Variants in SMOC2 observed in about 807,000 individuals in gnomAD.
The protein encoded by SMOC2 is SPARC-related modular calcium-binding protein 2.
Under a neutral mutation model 61.4 loss-of-function variants are expected in SMOC2, and 39 were observed. That is an observed-to-expected ratio of 0.64 (90% CI 0.49 to 0.83). The LOEUF (loss-of-function observed/expected upper bound fraction) is 0.83. SMOC2 is among the 40% of genes least tolerant of loss of function. The pLI, the probability that SMOC2 is intolerant of heterozygous loss-of-function variation, is 0.00. For missense variants in SMOC2, 556 were observed against 592.9 expected, an observed-to-expected ratio of 0.94 and a Z score of 0.65; for synonymous variants, 247 against 239.9, an observed-to-expected ratio of 1.03 and a Z score of -0.27.
At chr6:168,558,893 GCA>G (rs1784318812) in intron 7 of SMOC2, among the ~76,000 whole-genome samples, 5 of 152,112 alleles carry the variant, frequency 3.3e-5, no homozygotes, top group Non-Finnish European at 5.9e-5. Context: ...GTGTGCGTGT[GCA>G]TGTGTGTGCA....
intron 7 of SMOC2, among the ~76,000 whole-genome samples, chr6:168,583,424 C>A (rs545612381): frequency 5.3e-5 from 8 of 152,244 alleles, no homozygotes; most frequent in Non-Finnish European, 7.3e-5. Flanking sequence ...GAAGGAATGG[C>A]TGTCATATCG....
chr6:168,521,921 G>T (rs569605970), intron 2 of SMOC2, among the ~76,000 whole-genome samples: 1 of 152,122 alleles, frequency 6.6e-6, no homozygotes, highest in African/African-American at 2.4e-5. Context: ...GCAATGATGA[G>T]TTCTTTCTTT....
intron 9 of SMOC2, among the ~76,000 whole-genome samples, chr6:168,609,768 T>C (rs1298086579): frequency 6.6e-6 from 1 of 152,262 alleles, no homozygotes; most frequent in Non-Finnish European, 1.5e-5. Context: ...CACTTCAATC[T>C]GTCTTTTGCC....
chr6:168,512,866 A>T (rs2248785), intron 2 of SMOC2, among the ~76,000 whole-genome samples: 2 of 152,138 alleles, frequency 1.3e-5, no homozygotes, highest in Non-Finnish European at 2.9e-5. Context: ...GTACCCGCAC[A>T]CTGAGGAGCT....
chr6:168,542,651 CGA>C (rs1197911023), intron 4 of SMOC2, among the ~76,000 whole-genome samples: 1 of 151,976 alleles, frequency 6.6e-6, no homozygotes, highest in African/African-American at 2.4e-5. Flanking sequence ...ACTGTGACCT[CGA>C]GGCAGTGTCC....
intron 1 of SMOC2, among the ~76,000 whole-genome samples, chr6:168,500,544 C>T (rs1782703367): frequency 6.6e-6 from 1 of 151,988 alleles, no homozygotes; most frequent in Non-Finnish European, 1.5e-5. Context: ...CTCATTTTCT[C>T]CAACACCTTC....
chr6:168,581,044 C>T (rs550037138), intron 7 of SMOC2, among the ~76,000 whole-genome samples: 62 of 152,184 alleles, frequency 4.1e-4, no homozygotes, highest in Non-Finnish European at 7.5e-4. Context: ...ACAGCCTTCG[C>T]CTCTGATTCC....
intron 1 of SMOC2, among the ~76,000 whole-genome samples, chr6:168,482,303 T>G (rs1782223998): frequency 6.6e-6 from 1 of 152,138 alleles, no homozygotes; most frequent in Admixed American, 6.5e-5. Context: ...AATTATATGC[T>G]AATACATAGG....
At chr6:168,601,370 C>T (rs574522221) in intron 8 of SMOC2, among the ~76,000 whole-genome samples, 1 of 152,370 alleles carries the variant, frequency 6.6e-6, no homozygotes, top group East Asian at 1.9e-4. Context: ...GCCGACACTG[C>T]ACAGGGGTGC....
In SMOC2 at chr6:168,553,269, G is replaced by A. The variant is rs191427948; in HGVS notation, c.637+4066G>A. On this transcript the variant is annotated intron_variant, in intron 7 of 12. Coordinates refer to ENST00000356284, the MANE Select transcript of SMOC2 (RefSeq NM_001166412.2). The surrounding 1 kb of genome is among the most constrained non-coding windows in gnomAD (Gnocchi z 4.2). ...CTGAAGTTGCCTGTTACTTAAAAGT[G>A]CATTACTCAGTTTTTCCCATCAATA... 2.1e-4 allele frequency among the ~76,000 whole-genome samples: 32 copies of A among 152,210 alleles called. No individual in the cohort carries two copies. Among genetic ancestry groups the A allele is most frequent in the Admixed American group, 2.0e-3 (30 of 15,286 alleles).
At chr6:168,560,358 C>T (rs183715275) in intron 7 of SMOC2, among the ~76,000 whole-genome samples, 47 of 152,338 alleles carry the variant, frequency 3.1e-4, no homozygotes, top group South Asian at 4.1e-4. Context: ...TTATATGTTG[C>T]GTCTGCATCA....
chr6:168,481,547 A>T (rs781578872), intron 1 of SMOC2, among the ~76,000 whole-genome samples: 15 of 152,098 alleles, frequency 9.9e-5, no homozygotes, highest in Non-Finnish European at 1.9e-4. Context: ...AGAAATTTAA[A>T]TGTTTCACTA....
intron 1 of SMOC2, among the ~76,000 whole-genome samples, chr6:168,448,778 C>G (rs903509657): frequency 6.6e-6 from 1 of 152,180 alleles, no homozygotes; most frequent in African/African-American, 2.4e-5. Flanking sequence ...TTAACATATT[C>G]GTAGCACTTT....
chr6:168,594,764 C>T (rs1284837924), intron 7 of SMOC2, among the ~76,000 whole-genome samples: 323 of 59,944 alleles, frequency 5.4e-3, no homozygotes, highest in Admixed American at 0.011. Flanking sequence ...AGCTCCTCCT[C>T]CTTCCTGAGG....
chr6:168,664,074 C>T lies in SMOC2; in HGVS notation c.1286C>T (p.Thr429Ile). Residue 429 changes from threonine (T) to isoleucine (I), a missense_variant and splice_region_variant, in exon 12 of 13, where the codon ACC becomes ATC. Thr to Ile is a moderately conservative substitution (Grantham distance 89). Coordinates refer to ENST00000356284, the MANE Select transcript of SMOC2 (RefSeq NM_001166412.2). The stretch of plus-strand genomic sequence containing the variant: ...TAATATCTTTTTTTTTTCCTGCTAG[C>T]CCCCAGAGGTCATGCTGAAAGTACG... ...DGKADTKKRH[T>I]PRGHAESTSN... The T allele has an allele frequency of 6.2e-7, 1 of 1,600,666 alleles. No homozygotes were observed.
At chr6:168,501,000 C>T (rs895830840) in intron 1 of SMOC2, among the ~76,000 whole-genome samples, 1 of 152,194 alleles carries the variant, frequency 6.6e-6, no homozygotes, top group Non-Finnish European at 1.5e-5. Context: ...GGGGGAAGTT[C>T]AGCTGTGTTA....
At chr6:168,588,051 C>G (rs996613679) in intron 7 of SMOC2, among the ~76,000 whole-genome samples, 1 of 151,540 alleles carries the variant, frequency 6.6e-6, no homozygotes. Context: ...TGTTCTGGTT[C>G]GTAAACGGTG....
intron 7 of SMOC2, among the ~76,000 whole-genome samples, chr6:168,556,917 T>C (rs1784266277): frequency 6.6e-6 from 1 of 151,494 alleles, no homozygotes; most frequent in Non-Finnish European, 1.5e-5. Flanking sequence ...CCCTAACCCA[T>C]TAAAAACAGT....
At chr6:168,504,896 G>A (rs1250685090) in intron 1 of SMOC2, among the ~76,000 whole-genome samples, 1 of 144,882 alleles carries the variant, frequency 6.9e-6, no homozygotes. Context: ...GGAAACATGA[G>A]GCTTTACTCT....
Sources: allele counts gnomAD v4.1 joint callset (sites outside exome capture counted in the v4.1 genomes callset), GRCh38; gene constraint gnomAD v4.1.1; non-coding constraint Gnocchi (gnomAD v3.1); transcripts MANE v1.5; gene names NCBI Gene and HGNC (gene_info 2026-07-23, HGNC 2026-07-21).